S100A11: variants seen among roughly 807,000 people sequenced by gnomAD.
S100A11 encodes the protein protein S100-A11.
In S100A11, 5 loss-of-function variants were observed where a neutral mutation model predicts 7.4. The observed-to-expected ratio is 0.68, with a 90% CI of 0.35 to 1.42. S100A11 has a LOEUF of 1.42. S100A11 is among the 40% of genes most tolerant of loss of function. The probability of loss-of-function intolerance (pLI) is 0.04; values close to 1 mark genes in which losing one functional copy is unlikely to be tolerated. For synonymous variants in S100A11, 47 were observed against 46.6 expected, an observed-to-expected ratio of 1.01 and a Z score of -0.04; for missense variants, 96 against 125.0, an observed-to-expected ratio of 0.77 and a Z score of 1.11.
Position 152,032,556 on chromosome 1 carries a change from C to T in S100A11, c.*106G>A, listed in dbSNP as rs1342669975. The stretch of plus-strand genomic sequence containing the variant: ...CTTTATTACTATTGGCAGGTGGGGC[C>T]TGCATGAGGTGGTTAGTGTGCTCAG... On this transcript the variant is annotated 3_prime_UTR_variant, in exon 3 of 3. Coordinates refer to ENST00000271638, the MANE Select transcript of S100A11 (RefSeq NM_005620.2). The T allele has an allele frequency of 2.1e-6, 2 of 931,778 alleles. No homozygotes were observed. The highest frequency in any genetic ancestry group is 3.2e-6 in the Non-Finnish European group (2 of 623,300). The allele number at this position is 931,778 out of a possible 1,614,324, so 57.7% of individuals were successfully genotyped here.
chr1:152,033,611 G>A lies in S100A11; in HGVS notation c.156+37C>T. The A allele has an allele frequency of 6.2e-7, 1 of 1,602,010 alleles. No individual in the cohort carries two copies. Among genetic ancestry groups the A allele is most frequent in the Non-Finnish European group, 8.5e-7 (1 of 1,171,028 alleles). ...TGCCAGGGTCTTGTTTCATGTTGTGGGTAGTTTGGGGAAGTGGGGGAGACA... is the reference window on the plus strand; with the variant it reads ...TGCCAGGGTCTTGTTTCATGTTGTGAGTAGTTTGGGGAAGTGGGGGAGACA... On this transcript the variant is annotated intron_variant, in intron 2 of 2. Coordinates refer to ENST00000271638, the MANE Select transcript of S100A11 (RefSeq NM_005620.2). The surrounding 1 kb of genome is among the most constrained non-coding windows in gnomAD (Gnocchi z 4.0).
chr1:152,034,745 T>TA (rs1656802224), intron 1 of S100A11, among the ~76,000 whole-genome samples: 1 of 152,338 alleles, frequency 6.6e-6, no homozygotes, highest in Admixed American at 6.5e-5. Context: ...AAGCCGCAAT[T>TA]ACAGACTTTC....
rs1382202610 is a variant in S100A11, at chr1:152,033,773, C to T, written c.31G>A (p.Glu11Lys). The change falls in exon 2 of 3, where the codon GAG becomes AAG. Residue 11 changes from glutamate (E) to lysine (K), a missense_variant. Glu to Lys is a moderately conservative substitution (Grantham distance 56). Coordinates refer to ENST00000271638, the MANE Select transcript of S100A11 (RefSeq NM_005620.2). The surrounding 1 kb of genome is among the most constrained non-coding windows in gnomAD (Gnocchi z 4.0). MAKISSPTET[E>K]RCIESLIAVF... ...GCAATCAGGGACTCGATGCACCGCT[C>T]AGTCTCTGTAGGGCTGGAGATTTTT... 6.2e-7 allele frequency: 1 copy of T among 1,613,840 alleles called. No homozygotes were observed.
intron 1 of S100A11, among the ~76,000 whole-genome samples, chr1:152,034,070 G>A (rs34498249): frequency 6.6e-6 from 1 of 152,242 alleles, no homozygotes; most frequent in Non-Finnish European, 1.5e-5. Flanking sequence ...AGACTGCCTA[G>A]ATGAGAGTGA....
chr1:152,034,727 G>A (rs910576849), intron 1 of S100A11, among the ~76,000 whole-genome samples: 2 of 152,252 alleles, frequency 1.3e-5, no homozygotes, highest in Non-Finnish European at 2.9e-5. Context: ...CCTCCCTCTG[G>A]TGGGTAGAAG....
chr1:152,035,767 G>C (rs2101466949), intron 1 of S100A11, among the ~76,000 whole-genome samples: 1 of 152,276 alleles, frequency 6.6e-6, no homozygotes, highest in Non-Finnish European at 1.5e-5. Flanking sequence ...TGGGGATGGC[G>C]ATAGCAAGGA....
chr1:152,034,516 C>T (rs1181525012), intron 1 of S100A11, among the ~76,000 whole-genome samples: 2 of 152,244 alleles, frequency 1.3e-5, no homozygotes, highest in African/African-American at 4.8e-5. Flanking sequence ...GAAATAGTGA[C>T]AGAGAAGGTG....
At chr1:152,034,155 T>G (rs1407323427) in intron 1 of S100A11, among the ~76,000 whole-genome samples, 1 of 152,264 alleles carries the variant, frequency 6.6e-6, no homozygotes, top group East Asian at 1.9e-4. Flanking sequence ...CAAATCCATA[T>G]GCACACCAAA....
chr1:152,034,755 C>G (rs79609365), intron 1 of S100A11, among the ~76,000 whole-genome samples: 3,290 of 152,306 alleles, frequency 0.022, 135 homozygotes, highest in African/African-American at 0.075. Context: ...TACAGACTTT[C>G]TGGGAAACCG....
chr1:152,035,543 C>T (rs1381711284), intron 1 of S100A11, among the ~76,000 whole-genome samples: 6 of 152,210 alleles, frequency 3.9e-5, no homozygotes, highest in African/African-American at 1.4e-4. Flanking sequence ...CTTTGCATTT[C>T]CTCCCAGAGG....
At chr1:152,034,243 T>C (rs1656791972) in intron 1 of S100A11, among the ~76,000 whole-genome samples, 1 of 152,244 alleles carries the variant, frequency 6.6e-6, no homozygotes. Context: ...GTCAGTTCTT[T>C]TTAAAGCAAT....
At chr1:152,032,851 T>C (rs762600929) in intron 2 of S100A11, 28 bp from the exon 3 acceptor site, 15 of 1,554,670 alleles carry the variant, frequency 9.6e-6, no homozygotes, top group East Asian at 6.8e-5. Flanking sequence ...ATTACACCTT[T>C]ATATCGCATC....
intron 1 of S100A11, among the ~76,000 whole-genome samples, chr1:152,036,660 C>T (rs893730173): frequency 1.3e-5 from 2 of 151,910 alleles, no homozygotes; most frequent in Admixed American, 1.3e-4. Flanking sequence ...CTTCCCCAGC[C>T]CTGGGCCTTG....
intron 1 of S100A11, among the ~76,000 whole-genome samples, chr1:152,036,616 C>A (rs897886132): frequency 8.6e-6 from 1 of 116,830 alleles, no homozygotes; most frequent in Non-Finnish European, 1.6e-5. Context: ...CACGACGGGT[C>A]CCCCCCCCGC....
At position 152,033,732 on chromosome 1, in the gene S100A11, A is replaced by G. The variant is rs372756189; in HGVS notation, c.72T>C (p.Tyr24=). 1.9e-6 allele frequency: 3 copies of G among 1,613,558 alleles called. No homozygotes were observed. The African/African-American group carries it at 4.0e-5, about 22-fold the overall frequency. Reference sequence around the variant, plus strand: ...TGTAGTTATAACCATCCTTTCCAGCATACTTCTGGAAGACAGCAATCAGGG... The same window carrying G: ...TGTAGTTATAACCATCCTTTCCAGCGTACTTCTGGAAGACAGCAATCAGGG... ...IESLIAVFQK[Y]AGKDGYNYTL... The change falls in exon 2 of 3, where the codon TAT becomes TAC. Residue 24 remains tyrosine (Y), a synonymous_variant. Coordinates refer to ENST00000271638, the MANE Select transcript of S100A11 (RefSeq NM_005620.2). This position sits in a 1 kb window ranked among gnomAD's most constrained non-coding sequence, Gnocchi z 4.0.
chr1:152,033,817 T>C lies in S100A11; in HGVS notation c.4-17A>G, dbSNP rs781730540. 3 of 1,611,748 alleles carry C rather than the reference T, an allele frequency of 1.9e-6. No homozygotes were observed. Among genetic ancestry groups the C allele is most frequent in the Non-Finnish European group, 2.5e-6 (3 of 1,177,978 alleles). On this transcript the variant is annotated splice_polypyrimidine_tract_variant and intron_variant, in intron 1 of 2. Transcript: ENST00000271638. The surrounding 1 kb of genome is among the most constrained non-coding windows in gnomAD (Gnocchi z 4.0). ...GATTTTTGCCTTTGGAGAAAAAAAA[T>C]TGCAGGGCTCAGACAAGGGAAGATG...
intron 1 of S100A11, among the ~76,000 whole-genome samples, chr1:152,036,122 G>A (rs1340574988): frequency 6.6e-6 from 1 of 152,124 alleles, no homozygotes; most frequent in Non-Finnish European, 1.5e-5. Flanking sequence ...TTCTTAGCTT[G>A]TGGGCAGAAC....
chr1:152,032,942 C>CT, intron 2 of S100A11, 119 bp from the exon 3 acceptor site: 5 of 814,882 alleles, frequency 6.1e-6, no homozygotes, highest in Non-Finnish European at 9.5e-6. Context: ...TTAATATTCC[C>CT]ATTTGCCAGA....
chr1:152,032,874 T>C (rs768113478), intron 2 of S100A11, 51 bp from the exon 3 acceptor site: 1 of 1,352,646 alleles, frequency 7.4e-7, no homozygotes, highest in Non-Finnish European at 1.1e-6. Context: ...CTAATGTGCT[T>C]TCAAATATGC....
Sources: allele counts gnomAD v4.1 joint callset (sites outside exome capture counted in the v4.1 genomes callset), GRCh38; gene constraint gnomAD v4.1.1; non-coding constraint Gnocchi (gnomAD v3.1); transcripts MANE v1.5; gene names NCBI Gene and HGNC (gene_info 2026-07-23, HGNC 2026-07-21).